Variants in SMARCAD1 observed in about 807,000 individuals in gnomAD.
SMARCAD1 encodes SWI/SNF-related matrix-associated actin-dependent regulator of chromatin subfamily A containing DEAD/H box 1.
In SMARCAD1, 25 loss-of-function variants were observed where a neutral mutation model predicts 127.1. That is an observed-to-expected ratio of 0.20 (90% CI 0.14 to 0.27). SMARCAD1 has a LOEUF of 0.27. Ranked by LOEUF, SMARCAD1 falls within the 10% of genes least tolerant of loss-of-function variation. SMARCAD1 has a pLI of 1.00. For synonymous variants in SMARCAD1, 400 were observed against 396.9 expected (o/e 1.01, Z -0.09); for missense variants, 807 against 1,206.0 (o/e 0.67, Z 4.90).
intron 21 of SMARCAD1, among the ~76,000 whole-genome samples, chr4:94,282,004 CACTGT>C (rs1257890596): frequency 6.6e-6 from 1 of 151,260 alleles, no homozygotes; most frequent in East Asian, 2.0e-4. Context: ...CGCACCACTG[CACTGT>C]AGCCTGGGTG....
At chr4:94,255,121 T>C (rs1288815505) in intron 9 of SMARCAD1, among the ~76,000 whole-genome samples, 1 of 152,078 alleles carries the variant, frequency 6.6e-6, no homozygotes, top group Non-Finnish European at 1.5e-5. Context: ...AGAAATTTCC[T>C]TGAGAATTAG....
Position 94,282,988 on chromosome 4 carries a change from G to A in SMARCAD1, c.2727-133G>A, listed in dbSNP as rs114079402. 2,220 of 727,818 alleles carry A rather than the reference G, an allele frequency of 3.1e-3. 28 individuals are homozygous for A. The African/African-American group carries it at 0.033, about 11-fold the overall frequency. 45.1% of individuals were successfully genotyped at this position (727,818 alleles called of 1,614,324 possible). Reference sequence around the variant, plus strand: ...AGGCTCTTCAGTGATATAGCCAGAGGAGAAATAACTGCAATACTAAGAGAT... The same window carrying A: ...AGGCTCTTCAGTGATATAGCCAGAGAAGAAATAACTGCAATACTAAGAGAT... On this transcript the variant is annotated intron_variant, in intron 21 of 23. Transcript: ENST00000354268.
At chr4:94,284,165 C>CAA (rs70946519) in intron 22 of SMARCAD1, among the ~76,000 whole-genome samples, 125 of 139,262 alleles carry the variant, frequency 9.0e-4, no homozygotes, top group East Asian at 2.4e-3. Flanking sequence ...ACTAAAAATA[C>CAA]AAAAAAAAAA....
upstream of SMARCAD1, chr4:94,207,793 G>C (rs1741419269): frequency 8.3e-6 from 2 of 240,388 alleles, no homozygotes; most frequent in Admixed American, 5.1e-5. Flanking sequence ...AGATGCCTTA[G>C]CATGCACTCC....
chr4:94,253,778 C>G lies in SMARCAD1; in HGVS notation c.1281+771C>G, dbSNP rs954002306. ...TTATGAATGCCAACAGTCATCAAATCTTATTCATACAGATAAATATAAGAA... is the reference window on the plus strand; with the variant it reads ...TTATGAATGCCAACAGTCATCAAATGTTATTCATACAGATAAATATAAGAA... On this transcript the variant is annotated intron_variant, in intron 9 of 23. Transcript: ENST00000354268. The G allele has an allele frequency of 5.4e-6, 4 of 742,054 alleles. No homozygotes were observed. The African/African-American group carries it at 7.6e-5, about 14-fold the overall frequency. The allele number at this position is 742,054 out of a possible 1,614,324, so 46.0% of individuals were successfully genotyped here. A position where few individuals can be genotyped will look rare whatever the true frequency, so the allele number is the denominator to read the frequency against.
At chr4:94,228,817 T>A (rs1183324616) in intron 3 of SMARCAD1, among the ~76,000 whole-genome samples, 1 of 152,162 alleles carries the variant, frequency 6.6e-6, no homozygotes, top group Non-Finnish European at 1.5e-5. Flanking sequence ...GTTTGTCATA[T>A]CTCTTTAAAC....
chr4:94,233,832 A>T (rs1486837150), intron 3 of SMARCAD1, 122 bp from the exon 4 acceptor site: 3 of 1,052,580 alleles, frequency 2.9e-6, no homozygotes, highest in Admixed American at 4.3e-5. Context: ...ACAAGTATAG[A>T]TTGCATTTAC....
intron 3 of SMARCAD1, among the ~76,000 whole-genome samples, chr4:94,232,363 T>C (rs1745972786): frequency 6.6e-6 from 1 of 152,150 alleles, no homozygotes; most frequent in African/African-American, 2.4e-5. Context: ...TCTTTGAAAG[T>C]GGTTATCCAG....
At chr4:94,237,168 TAAAA>T in intron 5 of SMARCAD1, 150 bp downstream of exon 5, 1 of 707,708 alleles carries the variant, frequency 1.4e-6, no homozygotes, top group Non-Finnish European at 2.5e-6. Flanking sequence ...TGTTTTTCCC[TAAAA>T]AGGGAAGAAG....
In SMARCAD1 at chr4:94,208,086, A is replaced by ACGAGGG. The variant is rs1218490280; in HGVS notation, c.-50+16_-50+17insCGAGGG. ...GCGTGCTTGGGTAAGAGGAGGTTGC[A>ACGAGGG]TGAGGGTCAGCTCGTGGTTTCAGTA... is the stretch of plus-strand genomic sequence containing the variant. On this transcript the variant is annotated intron_variant, in intron 1 of 23. Coordinates refer to ENST00000354268, the MANE Select transcript of SMARCAD1 (RefSeq NM_020159.5). 1.9e-6 allele frequency: 1 copy of ACGAGGG among 523,002 alleles called. No homozygotes were observed. The highest frequency in any genetic ancestry group is 1.5e-5 in the South Asian group (1 of 65,040). The allele number at this position is 523,002 out of a possible 1,614,324, so 32.4% of individuals were successfully genotyped here. A position where few individuals can be genotyped will look rare whatever the true frequency, so the allele number is the denominator to read the frequency against.
At chr4:94,213,093 T>C in intron 2 of SMARCAD1, 2 of 1,288,344 alleles carry the variant, frequency 1.6e-6, no homozygotes, top group Non-Finnish European at 2.0e-6. Context: ...CTACTATATT[T>C]TATGAATAAA....
intron 11 of SMARCAD1, among the ~76,000 whole-genome samples, chr4:94,271,574 A>G (rs1166122224): frequency 1.3e-5 from 2 of 152,250 alleles, no homozygotes; most frequent in African/African-American, 2.4e-5. Flanking sequence ...CCTCTAAGAA[A>G]GTAATCTTTA....
chr4:94,226,817 T>C (rs1184190294), intron 3 of SMARCAD1, among the ~76,000 whole-genome samples: 1 of 152,104 alleles, frequency 6.6e-6, no homozygotes, highest in East Asian at 1.9e-4. Flanking sequence ...ATAAGTGTTA[T>C]GGGCAAAGGG....
chr4:94,239,076 G>A (rs911466614), intron 5 of SMARCAD1, among the ~76,000 whole-genome samples: 1 of 152,070 alleles, frequency 6.6e-6, no homozygotes, highest in African/African-American at 2.4e-5. Context: ...AAAAAATTAG[G>A]ATTTTCTGGT....
chr4:94,233,923 A>C (rs1746242902), intron 3 of SMARCAD1, 31 bp from the exon 4 acceptor site: 1 of 1,609,912 alleles, frequency 6.2e-7, no homozygotes, highest in African/African-American at 1.3e-5. Context: ...TACATTAAAA[A>C]TGTTTTTTGC....
chr4:94,261,317 T>C (rs1253215669), intron 9 of SMARCAD1, among the ~76,000 whole-genome samples: 8 of 152,190 alleles, frequency 5.3e-5, no homozygotes, highest in African/African-American at 1.2e-4. Flanking sequence ...TCAGAAAATA[T>C]TGACTGTTAT....
intron 9 of SMARCAD1, among the ~76,000 whole-genome samples, chr4:94,257,793 G>A (rs758714667): frequency 2.0e-4 from 30 of 151,946 alleles, no homozygotes; most frequent in Non-Finnish European, 3.8e-4. Context: ...ATATCTTTAT[G>A]TAATATAGTT....
chr4:94,287,104 G>A (rs1222783770), intron 23 of SMARCAD1, among the ~76,000 whole-genome samples: 2 of 152,010 alleles, frequency 1.3e-5, no homozygotes, highest in African/African-American at 2.4e-5. Flanking sequence ...GACCTCGTGA[G>A]CCACCGCGCC....
At chr4:94,231,995 G>GGGGC (rs1412370231) in intron 3 of SMARCAD1, among the ~76,000 whole-genome samples, 4 of 151,904 alleles carry the variant, frequency 2.6e-5, no homozygotes, top group African/African-American at 9.7e-5. Context: ...CCTAGTAGGT[G>GGGGC]GGATTACAGG....
Sources: gnomAD v4.1 joint callset for allele counts (sites outside exome capture counted in the v4.1 genomes callset) on GRCh38, gnomAD v4.1.1 for gene constraint, MANE v1.5 for transcripts, NCBI Gene and HGNC (gene_info 2026-07-23, HGNC 2026-07-21) for gene names.